The following RNF8 variants were observed in gnomAD, a reference collection of about 807,000 sequenced individuals.
RNF8 encodes E3 ubiquitin-protein ligase RNF8.
In RNF8, 8 loss-of-function variants were observed where a neutral mutation model predicts 59.3. The ratio of observed to expected loss-of-function variants is 0.13; its 90% CI spans 0.08 to 0.24. The LOEUF (loss-of-function observed/expected upper bound fraction) is 0.24, where lower values mean the gene tolerates loss of function less well. RNF8 is among the 10% of genes least tolerant of loss of function. The pLI is 1.00. For synonymous variants in RNF8, 162 were observed against 200.0 expected (o/e 0.81, Z 1.60); for missense variants, 406 against 572.6 (o/e 0.71, Z 2.97).
chr6:37,389,824 TTC>T (rs1162191931), intron 7 of RNF8, among the ~76,000 whole-genome samples: 1 of 152,106 alleles, frequency 6.6e-6, no homozygotes, highest in Non-Finnish European at 1.5e-5. Flanking sequence ...CCCTACTTGG[TTC>T]TCTCTCTCCA....
chr6:37,359,362 G>C (rs1377470384), intron 1 of RNF8: 3 of 290,350 alleles, frequency 1.0e-5, no homozygotes, highest in Non-Finnish European at 2.0e-5. Flanking sequence ...GATGGTGTGG[G>C]TTAATGTTTA....
At chr6:37,361,246 G>A in intron 2 of RNF8, 1 of 454,546 alleles carries the variant, frequency 2.2e-6, no homozygotes, top group Non-Finnish European at 4.4e-6. Context: ...CCAGAGGATT[G>A]TTTGAGCCCA....
At chr6:37,356,862 C>T (rs1201102170) in intron 1 of RNF8, among the ~76,000 whole-genome samples, 2 of 152,116 alleles carry the variant, frequency 1.3e-5, no homozygotes, top group African/African-American at 2.4e-5. Context: ...TCTCAGCCTC[C>T]GAAGTAGCTG....
Position 37,385,351 on chromosome 6 carries a change from G to A in RNF8, c.1441+3997G>A, listed in dbSNP as rs1012829313. Among the ~76,000 whole-genome samples, 7 of 151,662 alleles carry A rather than the reference G, an allele frequency of 4.6e-5. No homozygotes were observed. In the South Asian group the frequency reaches 1.5e-3, roughly 32 times the overall value. ...TACTTTAAACAATGTATGCAGGGCGGGTGCTGTGGCTCACGGCTGTAATCC... is the reference window on the plus strand; with the variant it reads ...TACTTTAAACAATGTATGCAGGGCGAGTGCTGTGGCTCACGGCTGTAATCC... On this transcript the variant is annotated intron_variant, in intron 7 of 7. Coordinates refer to ENST00000373479, the MANE Select transcript of RNF8 (RefSeq NM_003958.4).
At chr6:37,372,559 T>C (rs1198835154) in intron 4 of RNF8, among the ~76,000 whole-genome samples, 1 of 152,248 alleles carries the variant, frequency 6.6e-6, no homozygotes, top group African/African-American at 2.4e-5. Flanking sequence ...AAGAATGTGG[T>C]TCTGCTAGTT....
chr6:37,372,218 T>C (rs1769838347), intron 4 of RNF8, among the ~76,000 whole-genome samples: 1 of 152,234 alleles, frequency 6.6e-6, no homozygotes, highest in Admixed American at 6.5e-5. Context: ...AGTAGTTTAG[T>C]GCCATTTAGT....
Position 37,392,282 on chromosome 6 carries a change from A to G in RNF8, c.*1524A>G, listed in dbSNP as rs1050102076. 1 of 396,276 alleles carries G rather than the reference A, an allele frequency of 2.5e-6. No homozygotes were observed. The highest frequency in any genetic ancestry group is 4.4e-6 in the Non-Finnish European group (1 of 225,142). The allele number at this position is 396,276 out of a possible 1,614,324, so 24.5% of individuals were successfully genotyped here. On this transcript the variant is annotated 3_prime_UTR_variant, in exon 8 of 8. Transcript: ENST00000373479. ...TACATGTGTTTTGTTTATAGATTGC[A>G]TGGGTATATGTCAATTTTTATATGT...
intron 7 of RNF8, among the ~76,000 whole-genome samples, chr6:37,387,012 T>C (rs1247788950): frequency 1.3e-5 from 2 of 152,310 alleles, no homozygotes; most frequent in East Asian, 3.9e-4. Flanking sequence ...TGTGCAAATA[T>C]AGAGTAGCGT....
Position 37,369,071 on chromosome 6 carries a change from G to A in RNF8, c.828G>A (p.Gln276=), listed in dbSNP as rs1386775392. 3.7e-6 allele frequency: 6 copies of A among 1,614,116 alleles called. No homozygotes were observed. In the African/African-American group the frequency reaches 8.0e-5, roughly 22 times the overall value. ...AAGCCGTTATGAATGTGAAAAAGCA[G>A]ACCCAAAAGGGGAACTCAAAGAAAG... ...KHEAVMNVKK[Q]TQKGNSKKVV... is the part of the protein sequence containing the mutation. The change falls in exon 3 of 8, where the codon CAG becomes CAA. Residue 276 remains glutamine, a synonymous_variant. Transcript: ENST00000373479.
intron 4 of RNF8, among the ~76,000 whole-genome samples, chr6:37,372,304 C>T (rs554470790): frequency 3.9e-5 from 6 of 152,282 alleles, no homozygotes; most frequent in South Asian, 2.1e-4. Flanking sequence ...ATCCTTTTAT[C>T]GTAAACCTAC....
Position 37,360,668 on chromosome 6 carries a change from A to G in RNF8, c.240+94A>G, listed in dbSNP as rs1372400181. On this transcript the variant is annotated intron_variant, in intron 2 of 7. Transcript: ENST00000373479. This position sits in a 1 kb window ranked among gnomAD's most constrained non-coding sequence, Gnocchi z 4.2. ...GGTAATTCATGGTATAAAATTCAAAAGTATAACTTCTTCTTTCCTAGCCAT... is the reference window on the plus strand; with the variant it reads ...GGTAATTCATGGTATAAAATTCAAAGGTATAACTTCTTCTTTCCTAGCCAT... 1.7e-5 allele frequency: 22 copies of G among 1,288,576 alleles called. No homozygotes were observed. Among genetic ancestry groups the G allele is most frequent in the Non-Finnish European group, 2.2e-5 (21 of 950,046 alleles). 79.8% of individuals were successfully genotyped at this position (1,288,576 alleles called of 1,614,324 possible). A position where few individuals can be genotyped will look rare whatever the true frequency, so the allele number is the denominator to read the frequency against.
rs1037985463 is a variant in RNF8, at chr6:37,394,020, A to T, written c.*3262A>T. 2 of 152,156 alleles carry T rather than the reference A, an allele frequency of 1.3e-5. No individual in the cohort carries two copies. The highest frequency in any genetic ancestry group is 4.8e-5 in the African/African-American group (2 of 41,420). The allele number at this position is 152,156 out of a possible 1,614,324, so 9.4% of individuals were successfully genotyped here. ...ATAACCCAGAAACATGGGGTGTCCT[A>T]GGTATGTTTATCTCGACACTGAACC... is the stretch of plus-strand genomic sequence containing the variant. On this transcript the variant is annotated 3_prime_UTR_variant, in exon 8 of 8. Coordinates refer to ENST00000373479, the MANE Select transcript of RNF8 (RefSeq NM_003958.4).
rs142044673 is a variant in RNF8, at chr6:37,383,874, A to G, written c.1441+2520A>G. 4.9e-3 allele frequency among the ~76,000 whole-genome samples: 746 copies of G among 152,174 alleles called. 14 individuals are homozygous for G. The highest frequency in any genetic ancestry group is 2.8e-3 in the African/African-American group (118 of 41,474). On this transcript the variant is annotated intron_variant, in intron 7 of 7. Transcript: ENST00000373479. The stretch of plus-strand genomic sequence containing the variant: ...GTTTTTTTGAAATCCCCTATAGAGT[A>G]TCTCCCTCTGGAGCTGGTGAGGTGA...
chr6:37,373,415 T>C (rs1769887230), intron 4 of RNF8, among the ~76,000 whole-genome samples: 1 of 152,186 alleles, frequency 6.6e-6, no homozygotes, highest in African/African-American at 2.4e-5. Flanking sequence ...TTTCCTTTTA[T>C]TTTTATTTTG....
In RNF8 at chr6:37,394,662, T is replaced by G. The variant is rs1770812353; in HGVS notation, c.*3904T>G. 1 of 152,166 alleles carries G rather than the reference T, an allele frequency of 6.6e-6. No individual in the cohort carries two copies. Among genetic ancestry groups the G allele is most frequent in the Non-Finnish European group, 1.5e-5 (1 of 68,036 alleles). 9.4% of individuals were successfully genotyped at this position (152,166 alleles called of 1,614,324 possible). On this transcript the variant is annotated 3_prime_UTR_variant, in exon 8 of 8. Transcript: ENST00000373479. ...GCTGTCCACTTTCCTTCAGGCTCTGTGAATACTTCAACCTGCTGTGATTTG... is the reference window on the plus strand; with the variant it reads ...GCTGTCCACTTTCCTTCAGGCTCTGGGAATACTTCAACCTGCTGTGATTTG...
intron 1 of RNF8, among the ~76,000 whole-genome samples, chr6:37,356,510 AT>A (rs1281612656): frequency 1.3e-5 from 2 of 152,210 alleles, no homozygotes; most frequent in African/African-American, 2.4e-5. Context: ...ACTGTAGTAA[AT>A]TGTCTAATTA....
intron 7 of RNF8, among the ~76,000 whole-genome samples, chr6:37,384,686 C>T (rs1157180155): frequency 6.6e-6 from 1 of 152,184 alleles, no homozygotes; most frequent in Non-Finnish European, 1.5e-5. Flanking sequence ...CTGGCAAAGC[C>T]CAGGCTCTGA....
At chr6:37,379,698 CT>C (rs1189880354) in intron 6 of RNF8, among the ~76,000 whole-genome samples, 2 of 152,036 alleles carry the variant, frequency 1.3e-5, no homozygotes, top group African/African-American at 4.8e-5. Flanking sequence ...TTTTTAGTTT[CT>C]TTTTTTGCCC....
rs1770053509 is a variant in RNF8, at chr6:37,377,098, G to C, written c.1236+65G>C. The C allele has an allele frequency of 3.8e-6, 3 of 782,742 alleles. No individual in the cohort carries two copies. The Admixed American group carries it at 9.4e-5, about 24-fold the overall frequency. The allele number at this position is 782,742 out of a possible 1,614,324, so 48.5% of individuals were successfully genotyped here. A position where few individuals can be genotyped will look rare whatever the true frequency, so the allele number is the denominator to read the frequency against. On this transcript the variant is annotated intron_variant, in intron 6 of 7. Coordinates refer to ENST00000373479, the MANE Select transcript of RNF8 (RefSeq NM_003958.4). ...TTTTTTTTTTTTTTTTTGAGACAGAGTCTCACTCTGTCAACCCAGGCTAGA... is the reference window on the plus strand; with the variant it reads ...TTTTTTTTTTTTTTTTTGAGACAGACTCTCACTCTGTCAACCCAGGCTAGA...
Sources: gnomAD v4.1 joint callset for allele counts (sites outside exome capture counted in the v4.1 genomes callset) on GRCh38, gnomAD v4.1.1 for gene constraint, Gnocchi (gnomAD v3.1) non-coding constraint, MANE v1.5 for transcripts, NCBI Gene and HGNC (gene_info 2026-07-23, HGNC 2026-07-21) for gene names.